Variants in KCNT2 observed in about 807,000 individuals in gnomAD.
The protein encoded by KCNT2 is potassium channel subfamily T member 2.
Under a neutral mutation model 153.8 loss-of-function variants are expected in KCNT2, and 67 were observed. The observed-to-expected ratio is 0.44, with a 90% confidence interval of 0.36 to 0.53. KCNT2 has a LOEUF of 0.53. KCNT2 is among the 20% of genes least tolerant of loss of function. The pLI, the probability that KCNT2 is intolerant of heterozygous loss-of-function variation, is 0.00. For synonymous variants in KCNT2, 500 were observed against 458.8 expected (o/e 1.09, Z -1.15); for missense variants, 975 against 1,354.8 (o/e 0.72, Z 4.40).
intron 15 of KCNT2, among the ~76,000 whole-genome samples, chr1:196,341,622 A>G (rs1665643957): frequency 6.6e-6 from 1 of 151,978 alleles, no homozygotes; most frequent in African/African-American, 2.4e-5. Context: ...AAAGAAAAAA[A>G]AAGTTCTATG....
chr1:196,306,128 TG>T (rs1420836094), intron 21 of KCNT2, among the ~76,000 whole-genome samples: 1 of 152,132 alleles, frequency 6.6e-6, no homozygotes, highest in Non-Finnish European at 1.5e-5. Context: ...TATGCATCCC[TG>T]GTAGCTTTCC....
chr1:196,589,759 C>T (rs1359790369), intron 1 of KCNT2, among the ~76,000 whole-genome samples: 1 of 152,116 alleles, frequency 6.6e-6, no homozygotes, highest in African/African-American at 2.4e-5. Flanking sequence ...TTTCATTCAG[C>T]CAGTTTTTGA....
intron 1 of KCNT2, among the ~76,000 whole-genome samples, chr1:196,493,344 G>A (rs192242635): frequency 6.7e-6 from 1 of 150,194 alleles, no homozygotes. Flanking sequence ...TTGGGGGGGA[G>A]ATTTTTGGTT....
intron 26 of KCNT2, among the ~76,000 whole-genome samples, chr1:196,248,579 C>T (rs1655658561): frequency 6.6e-6 from 1 of 152,022 alleles, no homozygotes; most frequent in African/African-American, 2.4e-5. Context: ...CACACAAAAC[C>T]TACCAAGATT....
At chr1:196,356,455 T>C (rs748927074) in intron 14 of KCNT2, among the ~76,000 whole-genome samples, 11 of 151,790 alleles carry the variant, frequency 7.2e-5, no homozygotes, top group Non-Finnish European at 1.3e-4. Context: ...CAAACCATAA[T>C]AATGTTTTAA....
At chr1:196,554,589 A>C (rs1273902542) in intron 1 of KCNT2, among the ~76,000 whole-genome samples, 4 of 151,312 alleles carry the variant, frequency 2.6e-5, no homozygotes, top group Non-Finnish European at 5.9e-5. Context: ...AATCCTACTC[A>C]AACTGCCCTG....
chr1:196,482,260 C>G (rs1679074551), intron 4 of KCNT2, 71 bp downstream of exon 4: 1 of 945,528 alleles, frequency 1.1e-6, no homozygotes, highest in Non-Finnish European at 1.6e-6. Context: ...ATCAAAAGCT[C>G]TCCAATAGTA....
chr1:196,370,635 G>C (rs1668444939), intron 14 of KCNT2, among the ~76,000 whole-genome samples: 3 of 152,082 alleles, frequency 2.0e-5, no homozygotes, highest in Admixed American at 2.0e-4. Context: ...AAGTGCTATT[G>C]GAAAAATATT....
intron 5 of KCNT2, among the ~76,000 whole-genome samples, chr1:196,477,703 A>G (rs756878539): frequency 2.0e-5 from 3 of 152,178 alleles, no homozygotes; most frequent in African/African-American, 4.8e-5. Context: ...AAAAATTAGT[A>G]ATGATTATGA....
At position 196,469,110 on chromosome 1, in the gene KCNT2, G is replaced by A. The variant is rs75868987; in HGVS notation, c.385-42C>T. The A allele has an allele frequency of 8.9e-4, 1,034 of 1,165,444 alleles. 3 individuals are homozygous for A. Among genetic ancestry groups the A allele is most frequent in the Non-Finnish European group, 1.3e-3 (989 of 789,606 alleles). The allele number at this position is 1,165,444 out of a possible 1,614,324, so 72.2% of individuals were successfully genotyped here. ...AATAAAAACGAAAGTCAATTATACT[G>A]CCTCCTATTAAAGGGGGAAAAAGAC... On this transcript the variant is annotated intron_variant, in intron 5 of 27. Coordinates refer to ENST00000294725, the MANE Select transcript of KCNT2 (RefSeq NM_198503.5).
chr1:196,571,734 A>T (rs777979310), intron 1 of KCNT2, among the ~76,000 whole-genome samples: 10 of 152,098 alleles, frequency 6.6e-5, no homozygotes, highest in Non-Finnish European at 1.5e-4. Flanking sequence ...GATCCAGCAG[A>T]TTCATTATTC....
At position 196,397,196 on chromosome 1, in the gene KCNT2, A is replaced by G. The variant is rs77731301; in HGVS notation, c.1294+1367T>C. Among the ~76,000 whole-genome samples the G allele has an allele frequency of 9.2e-5, 14 of 151,628 alleles. No individual in the cohort carries two copies. In the East Asian group the frequency reaches 2.3e-3, roughly 25 times the overall value. On this transcript the variant is annotated intron_variant, in intron 13 of 27. Transcript: ENST00000294725. ...AAGTCATCATTTTAAGAGTTTACTT[A>G]GTGTTAATGTCATTACTGCCATTCA...
intron 21 of KCNT2, among the ~76,000 whole-genome samples, chr1:196,311,242 T>G (rs1662146717): frequency 6.6e-6 from 1 of 151,808 alleles, no homozygotes; most frequent in Admixed American, 6.6e-5. Flanking sequence ...CTATTAGTAT[T>G]CAAAGGCCAC....
chr1:196,364,135 A>G (rs111465441), intron 14 of KCNT2, among the ~76,000 whole-genome samples: 7,568 of 152,244 alleles, frequency 0.05, 286 homozygotes, highest in Non-Finnish European at 0.072. Flanking sequence ...AGTCAATAGT[A>G]TTGTATCAGT....
intron 12 of KCNT2, among the ~76,000 whole-genome samples, chr1:196,406,480 T>C (rs891081341): frequency 6.6e-6 from 1 of 151,036 alleles, no homozygotes; most frequent in Non-Finnish European, 1.5e-5. Flanking sequence ...TAGCTGGCTA[T>C]CAGAAAGTAG....
chr1:196,238,871 C>T (rs1654691894), intron 26 of KCNT2, among the ~76,000 whole-genome samples: 1 of 151,668 alleles, frequency 6.6e-6, no homozygotes, highest in Admixed American at 6.6e-5. Flanking sequence ...TTTCTAAAAG[C>T]CTATTGCAGT....
intron 14 of KCNT2, among the ~76,000 whole-genome samples, chr1:196,362,558 T>C (rs1572173169): frequency 6.6e-6 from 1 of 152,084 alleles, no homozygotes; most frequent in East Asian, 1.9e-4. Context: ...GAAAAAAGCA[T>C]TGCTTTACCT....
chr1:196,559,906 A>G (rs1400890193), intron 1 of KCNT2, among the ~76,000 whole-genome samples: 1 of 151,810 alleles, frequency 6.6e-6, no homozygotes, highest in Non-Finnish European at 1.5e-5. Context: ...CATACAGGAC[A>G]CGTTAAATAA....
At chr1:196,586,685 T>G (rs918052422) in intron 1 of KCNT2, among the ~76,000 whole-genome samples, 11 of 151,480 alleles carry the variant, frequency 7.3e-5, no homozygotes, top group Admixed American at 5.3e-4. Context: ...GCAAATAATT[T>G]AGAGGCTACT....
Sources: allele counts gnomAD v4.1 joint callset (sites outside exome capture counted in the v4.1 genomes callset), GRCh38; gene constraint gnomAD v4.1.1; transcripts MANE v1.5; gene names NCBI Gene and HGNC (gene_info 2026-07-23, HGNC 2026-07-21).